Variants in CHST9 observed in about 807,000 individuals in gnomAD.
CHST9 encodes the protein carbohydrate sulfotransferase 9, also known as GalNAc-4-sulfotransferase 2.
A neutral mutation model predicts 44.4 loss-of-function variants in CHST9; 41 were observed. The ratio of observed to expected loss-of-function variants is 0.92; its 90% CI spans 0.72 to 1.20. The LOEUF (loss-of-function observed/expected upper bound fraction) is 1.20, where lower values mean the gene tolerates loss of function less well. Among genes scored for constraint, CHST9 ranks in the 50% most tolerant of loss-of-function variants. CHST9 has a pLI of 0.00. For synonymous variants in CHST9, 171 were observed against 178.4 expected (o/e 0.96, Z 0.33); for missense variants, 504 against 516.5 (o/e 0.98, Z 0.23).
At position 26,999,622 on chromosome 18, in the gene CHST9, TA is replaced by T. The variant is rs527694260; in HGVS notation, c.202+24493del. 4.0e-3 allele frequency among the ~76,000 whole-genome samples: 608 copies of T among 152,186 alleles called. 4 individuals carry two copies. Among genetic ancestry groups the T allele is most frequent in the African/African-American group, 0.014 (571 of 41,534 alleles). On this transcript the variant is annotated intron_variant, in intron 4 of 5. Coordinates refer to ENST00000618847, the MANE Select transcript of CHST9 (RefSeq NM_031422.6). ...TAGAACAAACATTTAAAAGTTTATA[TA>T]AAAAAATTGGTGAAAGAAAAAGAAT...
intron 4 of CHST9, among the ~76,000 whole-genome samples, chr18:26,950,814 C>T (rs754477475): frequency 1.8e-4 from 27 of 152,138 alleles, no homozygotes; most frequent in Non-Finnish European, 3.2e-4. Flanking sequence ...TCAGAATCAC[C>T]ACTGAAGAAC....
chr18:26,946,889 G>A (rs547279536), intron 4 of CHST9, among the ~76,000 whole-genome samples: 109 of 150,170 alleles, frequency 7.3e-4, no homozygotes, highest in African/African-American at 2.5e-3. Context: ...ATCTGTTTTG[G>A]TACCAGTACC....
chr18:26,917,360 TAAAG>T lies in CHST9; in HGVS notation c.241-14_241-11del, dbSNP rs777672792. 103 of 1,603,678 alleles carry T rather than the reference TAAAG, an allele frequency of 6.4e-5. No homozygotes were observed. The highest frequency in any genetic ancestry group is 8.5e-5 in the Admixed American group (5 of 58,620). ...TGTGAAACTTGGGGTTCTGTTAAAA[TAAAG>T]AAGGAGAAATGTTGAAAGCACAGTC... On this transcript the variant is annotated splice_polypyrimidine_tract_variant and intron_variant, in intron 5 of 5. Transcript: ENST00000618847.
chr18:27,050,411 T>G (rs538658208), intron 2 of CHST9, among the ~76,000 whole-genome samples: 1 of 152,170 alleles, frequency 6.6e-6, no homozygotes, highest in Non-Finnish European at 1.5e-5. Context: ...CACTTTTTTT[T>G]GTCATCTATC....
At chr18:26,922,077 G>T (rs1458098547) in intron 5 of CHST9, among the ~76,000 whole-genome samples, 1 of 152,008 alleles carries the variant, frequency 6.6e-6, no homozygotes, top group African/African-American at 2.4e-5. Context: ...TTTTGAACTG[G>T]ATCCTCTAGT....
intron 5 of CHST9, chr18:26,928,131 T>C (rs891339741): frequency 3.3e-5 from 5 of 153,092 alleles, no homozygotes; most frequent in African/African-American, 1.2e-4. Flanking sequence ...ATAAACAGCA[T>C]CTCAAGGCAG....
intron 4 of CHST9, among the ~76,000 whole-genome samples, chr18:27,010,823 G>A (rs2057074786): frequency 6.6e-6 from 1 of 152,170 alleles, no homozygotes; most frequent in African/African-American, 2.4e-5. Flanking sequence ...AGGGGCTCAG[G>A]ACACCAGCTG....
chr18:26,961,266 C>T (rs1315443631), intron 4 of CHST9, among the ~76,000 whole-genome samples: 2 of 152,186 alleles, frequency 1.3e-5, no homozygotes, highest in Non-Finnish European at 2.9e-5. Context: ...AGAACAATAC[C>T]TCCATTGTAT....
At chr18:27,006,702 G>T (rs1248406256) in intron 4 of CHST9, among the ~76,000 whole-genome samples, 1 of 152,160 alleles carries the variant, frequency 6.6e-6, no homozygotes, top group Non-Finnish European at 1.5e-5. Context: ...TTGCTTCTCA[G>T]TCTTTCTGGG....
chr18:27,096,045 A>C (rs1170680184), intron 2 of CHST9, among the ~76,000 whole-genome samples: 2 of 152,032 alleles, frequency 1.3e-5, no homozygotes, highest in African/African-American at 4.8e-5. Flanking sequence ...CTGTAAAATG[A>C]GTCAATAAAT....
At chr18:27,061,938 A>G (rs192887888) in intron 2 of CHST9, among the ~76,000 whole-genome samples, 1 of 152,278 alleles carries the variant, frequency 6.6e-6, no homozygotes, top group East Asian at 1.9e-4. Context: ...CTTTGCCGAC[A>G]TAAAGGCACC....
chr18:27,172,989 G>C (rs1269249869), intron 1 of CHST9, among the ~76,000 whole-genome samples: 1 of 151,916 alleles, frequency 6.6e-6, no homozygotes, highest in Non-Finnish European at 1.5e-5. Flanking sequence ...ACCATGCAAA[G>C]TATTCCTACA....
At chr18:27,035,612 T>C (rs1003810215) in intron 3 of CHST9, among the ~76,000 whole-genome samples, 3 of 152,216 alleles carry the variant, frequency 2.0e-5, no homozygotes, top group East Asian at 3.9e-4. Context: ...GAATATTATA[T>C]AGCCTCAAAA....
chr18:27,001,056 T>A (rs984149417), intron 4 of CHST9, among the ~76,000 whole-genome samples: 1 of 152,164 alleles, frequency 6.6e-6, no homozygotes, highest in Non-Finnish European at 1.5e-5. Context: ...GTGAACAGAT[T>A]ACCATCAGAA....
intron 2 of CHST9, among the ~76,000 whole-genome samples, chr18:27,069,885 T>C (rs577332103): frequency 2.6e-5 from 4 of 152,270 alleles, no homozygotes; most frequent in Non-Finnish European, 4.4e-5. Context: ...AGTAAATTAG[T>C]TGGCATTTGA....
intron 2 of CHST9, among the ~76,000 whole-genome samples, chr18:27,137,322 G>A (rs375380815): frequency 0.37 from 51,496 of 138,776 alleles, 9,702 homozygotes; most frequent in Middle Eastern, 0.44. Context: ...GTGTGTGTGT[G>A]TGTGTGTGTG....
In CHST9 at chr18:26,916,688, G is replaced by A; in HGVS notation, c.903C>T (p.Tyr301=). 7 of 1,613,868 alleles carry A rather than the reference G, an allele frequency of 4.3e-6. No homozygotes were observed. The highest frequency in any genetic ancestry group is 5.9e-6 in the Non-Finnish European group (7 of 1,179,820). ...RDKFEHPNSY[Y]HPVFGKAIIK... ...TAATTGCCTTTCCGAATACTGGATG[G>A]TAATAACTATTGGGGTGTTCAAATT... Residue 301 remains tyrosine, a synonymous_variant, in exon 6 of 6, where the codon TAC becomes TAT. Coordinates refer to ENST00000618847, the MANE Select transcript of CHST9 (RefSeq NM_031422.6).
intron 5 of CHST9, among the ~76,000 whole-genome samples, chr18:26,929,662 G>A (rs926800104): frequency 1.3e-5 from 2 of 152,106 alleles, no homozygotes; most frequent in Non-Finnish European, 2.9e-5. Context: ...TGTCCAAGTG[G>A]GTAGAGAGTA....
At chr18:27,128,958 T>C (rs1382185854) in intron 2 of CHST9, among the ~76,000 whole-genome samples, 1 of 152,106 alleles carries the variant, frequency 6.6e-6, no homozygotes, top group Admixed American at 6.5e-5. Flanking sequence ...TGGGGTCTCC[T>C]ATGTTCTAGG....
Sources: gnomAD v4.1 joint callset for allele counts (sites outside exome capture counted in the v4.1 genomes callset) on GRCh38, gnomAD v4.1.1 for gene constraint, MANE v1.5 for transcripts, NCBI Gene and HGNC (gene_info 2026-07-23, HGNC 2026-07-21) for gene names.